RAD23B: variants seen among roughly 807,000 people sequenced by gnomAD.
RAD23B encodes the protein RAD23 nucleotide excision repair protein B.
A neutral mutation model predicts 49.1 loss-of-function variants in RAD23B; 5 were observed. The observed-to-expected ratio is 0.10, with a 90% confidence interval of 0.05 to 0.21. The LOEUF is 0.21. RAD23B is among the 10% of genes least tolerant of loss of function. The pLI, the probability that RAD23B is intolerant of heterozygous loss-of-function variation, is 1.00. For missense variants in RAD23B, 356 were observed against 486.7 expected, an observed-to-expected ratio of 0.73 and a Z score of 2.53; for synonymous variants, 184 against 165.4, an observed-to-expected ratio of 1.11 and a Z score of -0.86.
intron 1 of RAD23B, among the ~76,000 whole-genome samples, chr9:107,293,610 G>A (rs1028773442): frequency 9.9e-5 from 15 of 152,108 alleles, no homozygotes; most frequent in African/African-American, 2.7e-4. Context: ...CAGTGAGCAC[G>A]CTGTTATATG....
At chr9:107,289,314 A>T (rs1387347367) in intron 1 of RAD23B, among the ~76,000 whole-genome samples, 1 of 152,092 alleles carries the variant, frequency 6.6e-6, no homozygotes, top group East Asian at 1.9e-4. Context: ...CCTCCCCAGT[A>T]GCTGGGACTA....
At chr9:107,288,852 A>G (rs1334449899) in intron 1 of RAD23B, among the ~76,000 whole-genome samples, 1 of 152,136 alleles carries the variant, frequency 6.6e-6, no homozygotes, top group Non-Finnish European at 1.5e-5. Flanking sequence ...GGGTACTGAA[A>G]AAAAGCCTGC....
At chr9:107,305,025 A>G (rs1380900672) in intron 3 of RAD23B, among the ~76,000 whole-genome samples, 1 of 152,178 alleles carries the variant, frequency 6.6e-6, no homozygotes, top group African/African-American at 2.4e-5. Context: ...GTGGTGGCTG[A>G]TGCCTGTAAT....
chr9:107,313,879 TC>T (rs1826938697), intron 5 of RAD23B, among the ~76,000 whole-genome samples: 1 of 151,590 alleles, frequency 6.6e-6, no homozygotes, highest in African/African-American at 2.4e-5. Context: ...CTTTCTCCTC[TC>T]TCCTCTGTCC....
chr9:107,325,144 A>C (rs761858289), intron 9 of RAD23B, 140 bp downstream of exon 9: 2 of 645,118 alleles, frequency 3.1e-6, no homozygotes, highest in African/African-American at 3.8e-5. Flanking sequence ...GTGAAACCCC[A>C]TCTCTACTAA....
At chr9:107,316,123 C>G (rs1826989537) in intron 5 of RAD23B, among the ~76,000 whole-genome samples, 1 of 152,038 alleles carries the variant, frequency 6.6e-6, no homozygotes, top group Non-Finnish European at 1.5e-5. Context: ...AATTCTCCTG[C>G]CTCAGCCTCC....
At position 107,299,670 on chromosome 9, in the gene RAD23B, TC is replaced by T. The variant is rs1026879640; in HGVS notation, c.67-466del. On this transcript the variant is annotated intron_variant, in intron 1 of 9. Coordinates refer to ENST00000358015, the MANE Select transcript of RAD23B (RefSeq NM_002874.5). ...TATGTTTTAATTGGTGTTTGTAAAG[TC>T]CCCCTGGTGATTGTAATGAAACATA... Among the ~76,000 whole-genome samples, 216 of 152,330 alleles carry T rather than the reference TC, an allele frequency of 1.4e-3. 1 individual carries two copies. The highest frequency in any genetic ancestry group is 4.8e-3 in the African/African-American group (201 of 41,566).
chr9:107,320,555 CTTTG>C (rs76625117), intron 6 of RAD23B, among the ~76,000 whole-genome samples: 10,330 of 152,146 alleles, frequency 0.068, 417 homozygotes, highest in African/African-American at 0.1. Context: ...TATATTTGCT[CTTTG>C]TTTCATAGAC....
At chr9:107,300,881 T>A (rs1027724667) in intron 2 of RAD23B, among the ~76,000 whole-genome samples, 1 of 152,324 alleles carries the variant, frequency 6.6e-6, no homozygotes, top group Non-Finnish European at 1.5e-5. Flanking sequence ...GAATAGTGTT[T>A]CCTAAAGTGA....
intron 6 of RAD23B, among the ~76,000 whole-genome samples, chr9:107,319,270 A>G (rs928810585): frequency 2.6e-5 from 4 of 151,388 alleles, no homozygotes; most frequent in Non-Finnish European, 5.9e-5. Context: ...AGCTGGGACC[A>G]CAGGCGCCTG....
At chr9:107,285,197 C>T (rs1290839069) in intron 1 of RAD23B, among the ~76,000 whole-genome samples, 3 of 152,156 alleles carry the variant, frequency 2.0e-5, no homozygotes, top group African/African-American at 2.4e-5. Flanking sequence ...TGACAATACC[C>T]TGTGGACTGA....
At chr9:107,284,113 G>C (rs1022385536) in intron 1 of RAD23B, 113 of 996,770 alleles carry the variant, frequency 1.1e-4, no homozygotes, top group Non-Finnish European at 1.3e-4. Context: ...TAGCCGCTTA[G>C]TTCCCAGAGT....
chr9:107,301,185 C>G (rs897425173), intron 2 of RAD23B, among the ~76,000 whole-genome samples: 1 of 152,212 alleles, frequency 6.6e-6, no homozygotes, highest in Non-Finnish European at 1.5e-5. Flanking sequence ...TTTCTAAGTT[C>G]TGTAGCATCT....
At position 107,325,012 on chromosome 9, in the gene RAD23B, T is replaced by A; in HGVS notation, c.1116+8T>A. 2 of 1,607,274 alleles carry A rather than the reference T, an allele frequency of 1.2e-6. No homozygotes were observed. The highest frequency in any genetic ancestry group is 1.1e-5 in the South Asian group (1 of 90,888). On this transcript the variant is annotated splice_region_variant and intron_variant, in intron 9 of 9. Coordinates refer to ENST00000358015, the MANE Select transcript of RAD23B (RefSeq NM_002874.5). ...AAAGAAGCTATAGAAAGGGTGAGTT[T>A]AAGTAAAACTTTAAAAAAATTAGTT... is the stretch of plus-strand genomic sequence containing the variant.
rs903230511 is a variant in RAD23B, at chr9:107,311,688, G to A, written c.504G>A (p.Ser168=). ...TTCTAAAATCCTTTTGTAGTACATC[G>A]GGTGATTCTTCTCGGTCAAACCTTT... is the stretch of plus-strand genomic sequence containing the variant. ...ATSPTATDST[S]GDSSRSNLFE... Residue 168 remains serine, a synonymous_variant, in exon 5 of 10, where the codon TCG becomes TCA. Coordinates refer to ENST00000358015, the MANE Select transcript of RAD23B (RefSeq NM_002874.5). 45 of 1,568,404 alleles carry A rather than the reference G, an allele frequency of 2.9e-5. No homozygotes were observed. The highest frequency in any genetic ancestry group is 3.8e-5 in the Non-Finnish European group (44 of 1,164,572).
intron 6 of RAD23B, among the ~76,000 whole-genome samples, chr9:107,319,773 G>A (rs1827073575): frequency 6.6e-6 from 1 of 152,142 alleles, no homozygotes; most frequent in Non-Finnish European, 1.5e-5. Flanking sequence ...TACTGGTAAT[G>A]GGAGTTTTTG....
At position 107,306,471 on chromosome 9, in the gene RAD23B, G is replaced by C; in HGVS notation, c.321G>C (p.Val107=). 1.9e-6 allele frequency: 3 copies of C among 1,614,148 alleles called. No individual in the cohort carries two copies. The highest frequency in any genetic ancestry group is 2.5e-6 in the Non-Finnish European group (3 of 1,180,028). Residue 107 remains valine, a synonymous_variant, in exon 4 of 10, where the codon GTG becomes GTC. Coordinates refer to ENST00000358015, the MANE Select transcript of RAD23B (RefSeq NM_002874.5). ...TTACTTCCTCCACCACCACAACTGT[G>C]GCTCAGGCTCCAACCCCTGTCCCTG... ...TAVTSSTTTT[V]AQAPTPVPAL...
Position 107,322,224 on chromosome 9 carries a change from A to T in RAD23B, c.817+106A>T, listed in dbSNP as rs189047701. 86 of 1,332,906 alleles carry T rather than the reference A, an allele frequency of 6.5e-5. 1 individual carries two copies. In the East Asian group the frequency reaches 2.1e-3, roughly 33 times the overall value. The allele number at this position is 1,332,906 out of a possible 1,614,324, so 82.6% of individuals were successfully genotyped here. A position where few individuals can be genotyped will look rare whatever the true frequency, so the allele number is the denominator to read the frequency against. On this transcript the variant is annotated intron_variant, in intron 7 of 9. Transcript: ENST00000358015. ...ATGACGTTCATTCCCAGAGCAGTCG[A>T]ATAATTCGTTAAGTTCTCTCTTCAC...
At chr9:107,315,078 G>C (rs1164874516) in intron 5 of RAD23B, among the ~76,000 whole-genome samples, 1 of 151,994 alleles carries the variant, frequency 6.6e-6, no homozygotes, top group Admixed American at 6.6e-5. Flanking sequence ...GTTTTTCTAG[G>C]TTTTCTTCTA....
Sources: allele counts gnomAD v4.1 joint callset (sites outside exome capture counted in the v4.1 genomes callset), GRCh38; gene constraint gnomAD v4.1.1; transcripts MANE v1.5; gene names NCBI Gene and HGNC (gene_info 2026-07-23, HGNC 2026-07-21).